OXR1: variants seen among roughly 807,000 people sequenced by gnomAD.
The protein encoded by OXR1 is oxidation resistance 1.
In OXR1, 41 loss-of-function variants were observed where a neutral mutation model predicts 104.6. That is an observed-to-expected ratio of 0.39 (90% CI 0.31 to 0.51). The LOEUF (loss-of-function observed/expected upper bound fraction) is 0.51, where lower values mean the gene tolerates loss of function less well. OXR1 is among the 20% of genes least tolerant of loss of function. The pLI, the probability that OXR1 is intolerant of heterozygous loss-of-function variation, is 0.77. For synonymous variants in OXR1, 348 were observed against 348.4 expected, an observed-to-expected ratio of 1.00 and a Z score of 0.01; for missense variants, 955 against 1,031.9, an observed-to-expected ratio of 0.93 and a Z score of 1.02.
chr8:106,691,516 A>G (rs150758375), intron 6 of OXR1, among the ~76,000 whole-genome samples: 16 of 151,756 alleles, frequency 1.1e-4, no homozygotes, highest in African/African-American at 3.9e-4. Context: ...GTATTGCTAT[A>G]GATACTGAGT....
intron 3 of OXR1, chr8:106,657,754 A>G (rs1825260625): frequency 4.0e-6 from 4 of 1,003,034 alleles, no homozygotes; most frequent in African/African-American, 1.7e-5. Flanking sequence ...GCCACAAGAA[A>G]AACTTTTCGA....
chr8:106,448,086 C>T, intron 2 of OXR1: 1 of 1,534,204 alleles, frequency 6.5e-7, no homozygotes, highest in Non-Finnish European at 8.7e-7. Context: ...GTTGTTACTT[C>T]CTGTGTTATG....
At chr8:106,617,407 T>A (rs1821330711) in intron 3 of OXR1, among the ~76,000 whole-genome samples, 1 of 151,906 alleles carries the variant, frequency 6.6e-6, no homozygotes, top group Admixed American at 6.6e-5. Context: ...CCAGCCTGGG[T>A]GACAGAGCAA....
intron 2 of OXR1, among the ~76,000 whole-genome samples, chr8:106,361,175 A>G (rs555396840): frequency 6.6e-6 from 1 of 152,328 alleles, no homozygotes; most frequent in African/African-American, 2.4e-5. Context: ...ATATTCTGTA[A>G]GTGCATGCTT....
At chr8:106,360,491 T>G (rs1816193914) in intron 2 of OXR1, among the ~76,000 whole-genome samples, 1 of 152,168 alleles carries the variant, frequency 6.6e-6, no homozygotes, top group Non-Finnish European at 1.5e-5. Context: ...CATAAATTTA[T>G]TTTTAGTGAA....
At position 106,295,289 on chromosome 8, in the gene OXR1, T is replaced by A. The variant is rs554010245; in HGVS notation, c.-139+24922T>A. On this transcript the variant is annotated intron_variant, in intron 1 of 16. Transcript: ENST00000517566. ...TTAGGATTTAAATGAGGATTACACA[T>A]TGGACTTAACCATCTCTATTAAAAG... Among the ~76,000 whole-genome samples, 3 of 152,234 alleles carry A rather than the reference T, an allele frequency of 2.0e-5. No individual in the cohort carries two copies. In the East Asian group the frequency reaches 5.8e-4, roughly 29 times the overall value.
intron 2 of OXR1, among the ~76,000 whole-genome samples, chr8:106,506,165 T>C (rs970562918): frequency 6.6e-6 from 1 of 152,244 alleles, no homozygotes; most frequent in Admixed American, 6.5e-5. Flanking sequence ...TTTCCAGAGA[T>C]TGGGAAGACA....
At chr8:106,398,468 C>T (rs960168672) in intron 2 of OXR1, among the ~76,000 whole-genome samples, 1 of 152,100 alleles carries the variant, frequency 6.6e-6, no homozygotes, top group Non-Finnish European at 1.5e-5. Flanking sequence ...AGTCAGTTGC[C>T]ACATGAGCAT....
At chr8:106,597,013 A>G (rs1484262009) in intron 3 of OXR1, among the ~76,000 whole-genome samples, 1 of 152,150 alleles carries the variant, frequency 6.6e-6, no homozygotes, top group East Asian at 1.9e-4. Flanking sequence ...AGATCGCACC[A>G]CTGCACTCCA....
intron 1 of OXR1, among the ~76,000 whole-genome samples, chr8:106,338,633 A>T (rs1815065556): frequency 1.3e-5 from 2 of 151,832 alleles, no homozygotes. Context: ...TTTTAAAAAA[A>T]CCACTGTTCT....
At chr8:106,376,255 G>A (rs1234467559) in intron 2 of OXR1, among the ~76,000 whole-genome samples, 1 of 152,172 alleles carries the variant, frequency 6.6e-6, no homozygotes, top group African/African-American at 2.4e-5. Context: ...CTGTCCTGTT[G>A]ATTTTTAACA....
intron 1 of OXR1, among the ~76,000 whole-genome samples, chr8:106,279,993 C>CAGAG (rs768763534): frequency 1.3e-5 from 2 of 149,480 alleles, no homozygotes; most frequent in Non-Finnish European, 1.5e-5. Flanking sequence ...TTAGAAAGGA[C>CAGAG]AGAGAGAGAG....
At chr8:106,506,473 T>C (rs1269895215) in intron 2 of OXR1, among the ~76,000 whole-genome samples, 3 of 151,798 alleles carry the variant, frequency 2.0e-5, no homozygotes, top group Admixed American at 2.0e-4. Context: ...ATTAGCCGGG[T>C]GTGGTGGCGG....
At position 106,339,517 on chromosome 8, in the gene OXR1, AAAATATATATAT is replaced by A. The variant is rs1469210858; in HGVS notation, c.-138-19957_-138-19946del. ...CAAAAAAAAAAAAAAAAAAAAAAAA[AAAATATATATAT>A]ATATATATATATATATATATATATA... is the stretch of plus-strand genomic sequence containing the variant. On this transcript the variant is annotated intron_variant, in intron 1 of 16. Transcript: ENST00000517566. Among the ~76,000 whole-genome samples, 94 of 29,298 alleles carry A rather than the reference AAAATATATATAT, an allele frequency of 3.2e-3. 3 individuals are homozygous for A. The highest frequency in any genetic ancestry group is 0.019 in the African/African-American group (85 of 4,462). The allele number at this position is 29,298 out of a possible 152,430, so 19.2% of individuals were successfully genotyped here.
intron 2 of OXR1, among the ~76,000 whole-genome samples, chr8:106,400,414 TAAA>T (rs1271063425): frequency 2.0e-5 from 3 of 152,108 alleles, no homozygotes; most frequent in Admixed American, 6.6e-5. Context: ...TCTACCCTCC[TAAA>T]AATACTCCCA....
chr8:106,396,732 G>A (rs778921321), intron 2 of OXR1, among the ~76,000 whole-genome samples: 25 of 152,006 alleles, frequency 1.6e-4, no homozygotes, highest in Non-Finnish European at 2.8e-4. Context: ...GGTAAAAACC[G>A]CTATTACTTT....
At chr8:106,508,773 T>G in intron 2 of OXR1, among the ~76,000 whole-genome samples, 1 of 152,196 alleles carries the variant, frequency 6.6e-6, no homozygotes, top group Non-Finnish European at 1.5e-5. Context: ...TTCTGTACCT[T>G]CTTTTCCTGT....
intron 3 of OXR1, among the ~76,000 whole-genome samples, chr8:106,593,703 G>A (rs909480531): frequency 2.0e-5 from 3 of 152,210 alleles, no homozygotes; most frequent in Non-Finnish European, 4.4e-5. Flanking sequence ...CGTGAACCAG[G>A]AGGCAGATCT....
chr8:106,620,346 C>T (rs776430824), intron 3 of OXR1, among the ~76,000 whole-genome samples: 2 of 151,910 alleles, frequency 1.3e-5, no homozygotes, highest in East Asian at 1.9e-4. Context: ...CTTGGTCATG[C>T]GTCTCACAAT....
Sources: gnomAD v4.1 joint callset for allele counts (sites outside exome capture counted in the v4.1 genomes callset) on GRCh38, gnomAD v4.1.1 for gene constraint, MANE v1.5 for transcripts, NCBI Gene and HGNC (gene_info 2026-07-23, HGNC 2026-07-21) for gene names.